PADI3: variants seen among roughly 807,000 people sequenced by gnomAD.
PADI3 encodes peptidyl arginine deiminase 3.
In PADI3, 53 loss-of-function variants were observed where a neutral mutation model predicts 71.5. The observed-to-expected ratio is 0.74, with a 90% confidence interval of 0.59 to 0.93. The LOEUF (loss-of-function observed/expected upper bound fraction) is 0.93, where lower values mean the gene tolerates loss of function less well. PADI3 is among the 40% of genes least tolerant of loss of function. The probability of loss-of-function intolerance (pLI) is 0.00; values close to 1 mark genes in which losing one functional copy is unlikely to be tolerated. For missense variants in PADI3, 821 were observed against 868.0 expected, an observed-to-expected ratio of 0.95 and a Z score of 0.68; for synonymous variants, 361 against 347.5, an observed-to-expected ratio of 1.04 and a Z score of -0.43.
In PADI3 at chr1:17,283,132, G is replaced by T; in HGVS notation, c.*53G>T. On this transcript the variant is annotated 3_prime_UTR_variant, in exon 16 of 16. Coordinates refer to ENST00000375460, the MANE Select transcript of PADI3 (RefSeq NM_016233.2). The stretch of plus-strand genomic sequence containing the variant: ...CCTGGGGCGGGCATTGGCCCAGGTG[G>T]TGGAGACAGAGACAGGCCCCTGAAC... 2.1e-6 allele frequency: 3 copies of T among 1,422,640 alleles called. No homozygotes were observed. The highest frequency in any genetic ancestry group is 1.7e-5 in the Admixed American group (1 of 58,310). The allele number at this position is 1,422,640 out of a possible 1,614,324, so 88.1% of individuals were successfully genotyped here.
At chr1:17,260,205 C>T (rs900276591) in intron 2 of PADI3, among the ~76,000 whole-genome samples, 7 of 152,228 alleles carry the variant, frequency 4.6e-5, no homozygotes, top group Middle Eastern at 3.4e-3. Context: ...GGAGGGACAC[C>T]GGTGCCTGGG....
intron 14 of PADI3, 112 bp from the exon 15 acceptor site, chr1:17,280,559 G>T (rs888527710): frequency 7.8e-6 from 12 of 1,533,232 alleles, no homozygotes; most frequent in African/African-American, 2.7e-5. Flanking sequence ...AGACAGAGGG[G>T]TCCCAACACC....
chr1:17,250,238 C>T (rs1019291186), intron 1 of PADI3, among the ~76,000 whole-genome samples: 1 of 152,174 alleles, frequency 6.6e-6, no homozygotes. Flanking sequence ...CAGCCCTCTC[C>T]TCAGGCCAGG....
intron 1 of PADI3, among the ~76,000 whole-genome samples, chr1:17,255,133 T>A (rs1393901195): frequency 6.6e-6 from 1 of 152,186 alleles, no homozygotes; most frequent in Non-Finnish European, 1.5e-5. Flanking sequence ...CTTCTAAGAA[T>A]CTGCATTTTC....
chr1:17,264,094 T>C (rs2073134306), intron 3 of PADI3, among the ~76,000 whole-genome samples: 1 of 152,232 alleles, frequency 6.6e-6, no homozygotes, highest in East Asian at 1.9e-4. Context: ...ACTGTATCAG[T>C]ATACATGTCT....
intron 9 of PADI3, among the ~76,000 whole-genome samples, chr1:17,271,594 A>C (rs774701824): frequency 7.9e-5 from 12 of 151,940 alleles, no homozygotes; most frequent in South Asian, 2.1e-4. Context: ...GAGGCTGAGA[A>C]ACCTTGATGT....
At chr1:17,255,049 C>G (rs553731503) in intron 1 of PADI3, among the ~76,000 whole-genome samples, 5 of 152,340 alleles carry the variant, frequency 3.3e-5, no homozygotes, top group Admixed American at 2.6e-4. Flanking sequence ...ACAACCTACT[C>G]TAAGCCGTGA....
chr1:17,273,863 C>T (rs2977294), intron 10 of PADI3, among the ~76,000 whole-genome samples: 5,557 of 152,242 alleles, frequency 0.037, 158 homozygotes, highest in Non-Finnish European at 0.059. Flanking sequence ...GTTACTACCG[C>T]TCTCTGAGCC....
rs995878912 is a variant in PADI3 at position 17,283,884 on chromosome 1, T to C, written c.*805T>C. The C allele has an allele frequency of 2.6e-5, 4 of 152,234 alleles. No individual in the cohort carries two copies. Among genetic ancestry groups the C allele is most frequent in the African/African-American group, 9.7e-5 (4 of 41,440 alleles). 9.4% of individuals were successfully genotyped at this position (152,234 alleles called of 1,614,324 possible). On this transcript the variant is annotated 3_prime_UTR_variant, in exon 16 of 16. Transcript: ENST00000375460. ...TTCCCATAATACACATGGTTGACTA[T>C]GGTGATCCACCTTGTGATGGTTAAT...
rs375878627 is a variant in PADI3 at position 17,280,309 on chromosome 1, G to A, written c.1556-41G>A. 6.4e-5 allele frequency: 97 copies of A among 1,519,584 alleles called. No homozygotes were observed. The African/African-American group carries it at 1.3e-3, about 20-fold the overall frequency. The allele number at this position is 1,519,584 out of a possible 1,614,324, so 94.1% of individuals were successfully genotyped here. A position where few individuals can be genotyped will look rare whatever the true frequency, so the allele number is the denominator to read the frequency against. ...CCCTAAGCAGGTGGTCCTCACGTTGGTGCTGTCCCTGTCCTTCTCTTTCAT... is the reference window on the plus strand; with the variant it reads ...CCCTAAGCAGGTGGTCCTCACGTTGATGCTGTCCCTGTCCTTCTCTTTCAT... On this transcript the variant is annotated intron_variant, in intron 13 of 15. Transcript: ENST00000375460.
rs1251904178 is a variant in PADI3, at chr1:17,283,351, G to T, written c.*272G>T. Reference sequence around the variant, plus strand: ...CCTGTGATTCAACACAACCCATGGAGATGTCCCCTTCTCACTCTGAAATCA... The same window carrying T: ...CCTGTGATTCAACACAACCCATGGATATGTCCCCTTCTCACTCTGAAATCA... On this transcript the variant is annotated 3_prime_UTR_variant, in exon 16 of 16. Coordinates refer to ENST00000375460, the MANE Select transcript of PADI3 (RefSeq NM_016233.2). 9 of 422,078 alleles carry T rather than the reference G, an allele frequency of 2.1e-5. No individual in the cohort carries two copies. In the East Asian group the frequency reaches 3.4e-4, roughly 16 times the overall value. The allele number at this position is 422,078 out of a possible 1,614,324, so 26.1% of individuals were successfully genotyped here.
intron 1 of PADI3, among the ~76,000 whole-genome samples, chr1:17,249,579 A>G (rs766762140): frequency 6.6e-6 from 1 of 152,210 alleles, no homozygotes; most frequent in Admixed American, 6.5e-5. Context: ...AAGAATAGGA[A>G]CAGGCAGATA....
chr1:17,270,928 C>T lies in PADI3; in HGVS notation c.881C>T (p.Ala294Val), dbSNP rs144080386. ...ACTGACACTGTGGTGTTCCGAGTGG[C>T]ACCCTGGATCATGACGCCCAGCACT... Reference protein sequence around the residue: ...IFTDTVVFRVAPWIMTPSTLP... With the variant: ...IFTDTVVFRVVPWIMTPSTLP... The change falls in exon 8 of 16, where the codon GCA becomes GTA. Residue 294 changes from alanine to valine, a missense_variant. Physicochemically the swap from Ala to Val is moderately conservative, Grantham distance 64. Coordinates refer to ENST00000375460, the MANE Select transcript of PADI3 (RefSeq NM_016233.2). 12,204 of 1,614,098 alleles carry T rather than the reference C, an allele frequency of 7.6e-3. 62 individuals are homozygous for T. Among genetic ancestry groups the T allele is most frequent in the Non-Finnish European group, 8.4e-3 (9,962 of 1,179,970 alleles).
At chr1:17,255,977 A>G (rs2073022279) in intron 1 of PADI3, among the ~76,000 whole-genome samples, 1 of 152,124 alleles carries the variant, frequency 6.6e-6, no homozygotes, top group Admixed American at 6.5e-5. Flanking sequence ...CTGATCAAGA[A>G]CCAGCGCTGG....
At position 17,283,424 on chromosome 1, in the gene PADI3, C is replaced by T. The variant is rs527515977; in HGVS notation, c.*345C>T. The stretch of plus-strand genomic sequence containing the variant: ...TTGGGGTCTAGAAACATCCACGTAT[C>T]TCATCAGCCATCTTGTCCTGTGCAT... On this transcript the variant is annotated 3_prime_UTR_variant, in exon 16 of 16. Transcript: ENST00000375460. The T allele has an allele frequency of 2.8e-5, 7 of 252,810 alleles. No individual in the cohort carries two copies. The highest frequency in any genetic ancestry group is 4.6e-5 in the Non-Finnish European group (6 of 129,304). 15.7% of individuals were successfully genotyped at this position (252,810 alleles called of 1,614,324 possible). A position where few individuals can be genotyped will look rare whatever the true frequency, so the allele number is the denominator to read the frequency against.
At chr1:17,275,852 T>G (rs181344279) in intron 11 of PADI3, among the ~76,000 whole-genome samples, 7 of 152,330 alleles carry the variant, frequency 4.6e-5, no homozygotes, top group Admixed American at 6.5e-5. Flanking sequence ...AGCTGGACCA[T>G]GCCCTTAGAT....
intron 6 of PADI3, among the ~76,000 whole-genome samples, chr1:17,269,925 T>G (rs181799257): frequency 6.6e-6 from 1 of 152,178 alleles, no homozygotes; most frequent in Non-Finnish European, 1.5e-5. Flanking sequence ...AGCCTGTAGA[T>G]GTATTTTTGT....
chr1:17,271,207 C>G (rs1160970219), intron 9 of PADI3, 29 bp downstream of exon 9: 2 of 1,582,468 alleles, frequency 1.3e-6, no homozygotes, highest in African/African-American at 2.7e-5. Flanking sequence ...CAGGGCCCAG[C>G]AAGGACGCCA....
intron 3 of PADI3, among the ~76,000 whole-genome samples, chr1:17,262,959 G>C (rs1259646660): frequency 1.3e-5 from 2 of 152,156 alleles, no homozygotes; most frequent in Non-Finnish European, 2.9e-5. Flanking sequence ...TTGTTGCCCA[G>C]GCTGGAGTGC....
Sources: gnomAD v4.1 joint callset for allele counts (sites outside exome capture counted in the v4.1 genomes callset) on GRCh38, gnomAD v4.1.1 for gene constraint, MANE v1.5 for transcripts, NCBI Gene and HGNC (gene_info 2026-07-23, HGNC 2026-07-21) for gene names.